The following HSPA12A variants were observed in gnomAD, a reference collection of about 807,000 sequenced individuals.
HSPA12A encodes the protein heat shock protein family A (Hsp70) member 12A.
Under a neutral mutation model 69.2 loss-of-function variants are expected in HSPA12A, and 28 were observed. The observed-to-expected ratio is 0.40, with a 90% CI of 0.30 to 0.55. The LOEUF is 0.55. Among genes scored for constraint, HSPA12A ranks in the 20% least tolerant of loss-of-function variants. The pLI, the probability that HSPA12A is intolerant of heterozygous loss-of-function variation, is 0.38. For synonymous variants in HSPA12A, 345 were observed against 370.5 expected, an observed-to-expected ratio of 0.93 and a Z score of 0.79; for missense variants, 686 against 900.7, an observed-to-expected ratio of 0.76 and a Z score of 3.05.
intron 1 of HSPA12A, among the ~76,000 whole-genome samples, chr10:116,713,707 T>C (rs2133005028): frequency 6.6e-6 from 1 of 152,254 alleles, no homozygotes; most frequent in African/African-American, 2.4e-5. Flanking sequence ...TCCGTGGGCC[T>C]CCAATTGTGT....
intron 1 of HSPA12A, among the ~76,000 whole-genome samples, chr10:116,721,812 C>T (rs1440283677): frequency 6.6e-6 from 1 of 152,140 alleles, no homozygotes; most frequent in Non-Finnish European, 1.5e-5. Context: ...TGCAGATGGC[C>T]CCAGCTGCCA....
At chr10:116,716,450 G>C (rs1205610637) in intron 1 of HSPA12A, among the ~76,000 whole-genome samples, 1 of 151,928 alleles carries the variant, frequency 6.6e-6, no homozygotes, top group Non-Finnish European at 1.5e-5. Context: ...GTGTGTTGGG[G>C]GGTGGGGTGG....
intron 2 of HSPA12A, among the ~76,000 whole-genome samples, chr10:116,766,362 C>CT (rs1844077566): frequency 6.6e-6 from 1 of 152,078 alleles, no homozygotes; most frequent in Non-Finnish European, 1.5e-5. Context: ...GTCGCCCTAC[C>CT]TGGGAGCAAA....
intron 2 of HSPA12A, among the ~76,000 whole-genome samples, chr10:116,776,247 C>T (rs978297156): frequency 3.3e-5 from 5 of 152,200 alleles, no homozygotes; most frequent in Admixed American, 2.0e-4. Context: ...ATCTCAGGTC[C>T]GTCCGCCTGG....
intron 1 of HSPA12A, among the ~76,000 whole-genome samples, chr10:116,843,829 C>A (rs1420443119): frequency 6.6e-6 from 1 of 152,206 alleles, no homozygotes; most frequent in Non-Finnish European, 1.5e-5. Flanking sequence ...GCCCAATCAC[C>A]AGTATCATTC....
chr10:116,705,685 T>A (rs1263723122), intron 2 of HSPA12A, among the ~76,000 whole-genome samples: 1 of 152,216 alleles, frequency 6.6e-6, no homozygotes, highest in Non-Finnish European at 1.5e-5. Flanking sequence ...GCCAGGAGCA[T>A]TTCGCCAGCT....
chr10:116,735,761 C>A (rs1851296881), intron 1 of HSPA12A, among the ~76,000 whole-genome samples: 1 of 151,734 alleles, frequency 6.6e-6, no homozygotes, highest in African/African-American at 2.4e-5. Flanking sequence ...CTCTGGGAGG[C>A]TGAGGCAGGA....
chr10:116,781,708 T>A (rs1375883806), intron 2 of HSPA12A, among the ~76,000 whole-genome samples: 1 of 152,178 alleles, frequency 6.6e-6, no homozygotes, highest in African/African-American at 2.4e-5. Flanking sequence ...CTCACTCCAG[T>A]TTTTAATCAA....
At chr10:116,737,863 A>T (rs1389578930) in intron 1 of HSPA12A, among the ~76,000 whole-genome samples, 1 of 152,206 alleles carries the variant, frequency 6.6e-6, no homozygotes, top group Non-Finnish European at 1.5e-5. Flanking sequence ...AGCAAGGATC[A>T]GCAGGGCCCG....
chr10:116,797,078 A>G (rs1230704300), intron 2 of HSPA12A, among the ~76,000 whole-genome samples: 3 of 152,178 alleles, frequency 2.0e-5, no homozygotes, highest in Non-Finnish European at 2.9e-5. Flanking sequence ...TCCCATCCGC[A>G]GGAGCTGGCT....
At chr10:116,814,792 T>C (rs1446670271) in intron 2 of HSPA12A, among the ~76,000 whole-genome samples, 1 of 152,192 alleles carries the variant, frequency 6.6e-6, no homozygotes, top group African/African-American at 2.4e-5. Flanking sequence ...TTCACCACCA[T>C]CACCTTGCTG....
At chr10:116,835,602 T>C (rs1403998966) in intron 1 of HSPA12A, among the ~76,000 whole-genome samples, 1 of 152,210 alleles carries the variant, frequency 6.6e-6, no homozygotes, top group Non-Finnish European at 1.5e-5. Flanking sequence ...ACAGTTACAT[T>C]AGCTATTCAT....
intron 2 of HSPA12A, among the ~76,000 whole-genome samples, chr10:116,780,708 A>G (rs977361042): frequency 2.6e-5 from 4 of 152,172 alleles, no homozygotes; most frequent in Non-Finnish European, 5.9e-5. Context: ...GTGCTTCTTC[A>G]TTAAAACATT....
chr10:116,719,060 T>C (rs1412073673), intron 1 of HSPA12A, among the ~76,000 whole-genome samples: 1 of 152,140 alleles, frequency 6.6e-6, no homozygotes, highest in Non-Finnish European at 1.5e-5. Context: ...TCCCTGCTGG[T>C]CTTGATAGAT....
At chr10:116,786,879 A>G (rs1844587531) in intron 2 of HSPA12A, among the ~76,000 whole-genome samples, 1 of 151,992 alleles carries the variant, frequency 6.6e-6, no homozygotes, top group African/African-American at 2.4e-5. Context: ...ACCTCAGGTG[A>G]TCCACCTGCG....
At chr10:116,785,662 C>A (rs1408592250) in intron 2 of HSPA12A, among the ~76,000 whole-genome samples, 1 of 152,130 alleles carries the variant, frequency 6.6e-6, no homozygotes, top group Non-Finnish European at 1.5e-5. Context: ...TTCATGATCC[C>A]TCTCTCTTCC....
intron 2 of HSPA12A, among the ~76,000 whole-genome samples, chr10:116,784,746 C>T (rs1156928085): frequency 4.6e-5 from 7 of 152,194 alleles, no homozygotes; most frequent in African/African-American, 1.7e-4. Context: ...GAATGAGTCC[C>T]TGGCTGAGCT....
intron 1 of HSPA12A, among the ~76,000 whole-genome samples, chr10:116,730,612 C>T (rs1400857206): frequency 6.6e-6 from 1 of 152,238 alleles, no homozygotes; most frequent in Non-Finnish European, 1.5e-5. Context: ...ACAAAGGAGG[C>T]CTGGGGTCCC....
chr10:116,811,846 G>A (rs1845193897), intron 2 of HSPA12A, among the ~76,000 whole-genome samples: 1 of 152,168 alleles, frequency 6.6e-6, no homozygotes, highest in Non-Finnish European at 1.5e-5. Context: ...TAAAACATGG[G>A]AAGGGATTCA....
Sources: gnomAD v4.1 joint callset for allele counts (sites outside exome capture counted in the v4.1 genomes callset) on GRCh38, gnomAD v4.1.1 for gene constraint, MANE v1.5 for transcripts, NCBI Gene and HGNC (gene_info 2026-07-23, HGNC 2026-07-21) for gene names.